The following TMEM179 variants were observed in gnomAD, a reference collection of about 807,000 sequenced individuals.
TMEM179 encodes the protein transmembrane protein 179A.
A neutral mutation model predicts 22.2 loss-of-function variants in TMEM179; 17 were observed. That is an observed-to-expected ratio of 0.77 (90% CI 0.52 to 1.15). The LOEUF is 1.15. TMEM179 is among the 50% of genes most tolerant of loss of function. The probability of loss-of-function intolerance (pLI) is 0.00; values close to 1 mark genes in which losing one functional copy is unlikely to be tolerated. For missense variants in TMEM179, 265 were observed against 313.6 expected (o/e 0.84, Z 1.17); for synonymous variants, 127 against 140.5 (o/e 0.90, Z 0.68).
In TMEM179 at chr14:104,593,650, G is replaced by A; in HGVS notation, c.531C>T (p.Leu177=). Residue 177 remains leucine (L), a synonymous_variant, in exon 4 of 4, where the codon CTC becomes CTT. Transcript: ENST00000556573. ...YDQFAIAQFG[L]WASWLAWLAI... Reference sequence around the variant, plus strand: ...CCAGCCAGGCCAGCCATGAGGCCCAGAGGCCAAACTGCACAGAGGGCAGGG... The same window carrying A: ...CCAGCCAGGCCAGCCATGAGGCCCAAAGGCCAAACTGCACAGAGGGCAGGG... The A allele has an allele frequency of 1.4e-6, 2 of 1,478,650 alleles. No homozygotes were observed. The highest frequency in any genetic ancestry group is 9.0e-7 in the Non-Finnish European group (1 of 1,115,510). 91.6% of individuals were successfully genotyped at this position (1,478,650 alleles called of 1,614,324 possible). A position where few individuals can be genotyped will look rare whatever the true frequency, so the allele number is the denominator to read the frequency against.
In TMEM179 at chr14:104,593,545, C is replaced by A; in HGVS notation, c.636G>T (p.Lys212Asn). 1 of 1,535,106 alleles carries A rather than the reference C, an allele frequency of 6.5e-7. No individual in the cohort carries two copies. The highest frequency in any genetic ancestry group is 8.7e-7 in the Non-Finnish European group (1 of 1,146,172). Residue 212 changes from lysine (K) to asparagine (N), a missense_variant, in exon 4 of 4, where the codon AAG becomes AAT. Transcript: ENST00000556573. The stretch of plus-strand genomic sequence containing the variant: ...GGGACGGCCGGGCCAGCAGCAGCTC[C>A]TTCTCGTGGATCAGGCTGTCCAGCA... ...EDLLDSLIHE[K>N]ELLLARPSPR... is the part of the protein sequence containing the mutation.
rs1887080243 is a variant in TMEM179 at position 104,597,635 on chromosome 14, C to T, written c.306-508G>A. ...AGTGCCCTCCTAGGAGAGACCCCAC[C>T]AAGCGAGCTCCCAGCAGATAACGAC... On this transcript the variant is annotated intron_variant, in intron 1 of 3. Transcript: ENST00000556573. This position sits in a 1 kb window ranked among gnomAD's most constrained non-coding sequence, Gnocchi z 4.8. Among the ~76,000 whole-genome samples the T allele has an allele frequency of 6.6e-6, 1 of 152,088 alleles. No homozygotes were observed. The highest frequency in any genetic ancestry group is 2.1e-4 in the South Asian group (1 of 4,818).
rs1248688883 is a variant in TMEM179, at chr14:104,591,469, A to AC, written c.*2009dup. 2.2e-6 allele frequency: 1 copy of AC among 454,598 alleles called. No homozygotes were observed. The highest frequency in any genetic ancestry group is 2.4e-5 in the Admixed American group (1 of 42,384). The allele number at this position is 454,598 out of a possible 1,614,324, so 28.2% of individuals were successfully genotyped here. On this transcript the variant is annotated 3_prime_UTR_variant, in exon 4 of 4. Coordinates refer to ENST00000556573, the MANE Select transcript of TMEM179 (RefSeq NM_001286389.2). ...TCAGGGCTGGAAGGGGAGACAGGGG[A>AC]CCCCATCAGCTTAGGGGGCCTCGGA...
In TMEM179 at chr14:104,591,049, C is replaced by T. The variant is rs1886829353; in HGVS notation, c.*2430G>A. The T allele has an allele frequency of 3.9e-6, 1 of 255,072 alleles. No homozygotes were observed. Among genetic ancestry groups the T allele is most frequent in the Admixed American group, 5.2e-5 (1 of 19,402 alleles). 15.8% of individuals were successfully genotyped at this position (255,072 alleles called of 1,614,324 possible). A position where few individuals can be genotyped will look rare whatever the true frequency, so the allele number is the denominator to read the frequency against. On this transcript the variant is annotated 3_prime_UTR_variant, in exon 4 of 4. Coordinates refer to ENST00000556573, the MANE Select transcript of TMEM179 (RefSeq NM_001286389.2). ...GGGAGAGGCCCAATCCCCTGAGGGA[C>T]CCTGGAGAGCCCACGACCAGGGCCG... is the stretch of plus-strand genomic sequence containing the variant.
Position 104,596,981 on chromosome 14 carries a change from C to T in TMEM179, c.443+9G>A, listed in dbSNP as rs760105694. The T allele has an allele frequency of 7.6e-6, 12 of 1,587,460 alleles. No individual in the cohort carries two copies. The highest frequency in any genetic ancestry group is 1.4e-5 in the African/African-American group (1 of 72,290). Reference sequence around the variant, plus strand: ...TGGGCGGAGGCCGAGGCGGGTGGGGCGGGCGCACCTGTGGGGTACGGTGCC... The same window carrying T: ...TGGGCGGAGGCCGAGGCGGGTGGGGTGGGCGCACCTGTGGGGTACGGTGCC... On this transcript the variant is annotated intron_variant, in intron 2 of 3. Coordinates refer to ENST00000556573, the MANE Select transcript of TMEM179 (RefSeq NM_001286389.2).
At position 104,595,141 on chromosome 14, in the gene TMEM179, C is replaced by A; in HGVS notation, c.522+24G>T. On this transcript the variant is annotated intron_variant, in intron 3 of 3. Transcript: ENST00000556573. The surrounding 1 kb of genome is among the most constrained non-coding windows in gnomAD (Gnocchi z 5.7). The stretch of plus-strand genomic sequence containing the variant: ...GGCCCCCTCCCAGCATTGCAAGCCT[C>A]CCTTCTTGCCCAGAGCCCCCTACCT... 6.2e-7 allele frequency: 1 copy of A among 1,613,644 alleles called. No individual in the cohort carries two copies. Among genetic ancestry groups the A allele is most frequent in the Non-Finnish European group, 8.5e-7 (1 of 1,179,918 alleles).
At chr14:104,596,622 C>T (rs1335184447) in intron 2 of TMEM179, among the ~76,000 whole-genome samples, 1 of 152,166 alleles carries the variant, frequency 6.6e-6, no homozygotes, top group Non-Finnish European at 1.5e-5. Flanking sequence ...GTGGCCACAC[C>T]GAGCCTCCCA....
rs769227355 is a variant in TMEM179 at position 104,595,572 on chromosome 14, T to G, written c.444-329A>C. On this transcript the variant is annotated intron_variant, in intron 2 of 3. Transcript: ENST00000556573. This position sits in a 1 kb window ranked among gnomAD's most constrained non-coding sequence, Gnocchi z 5.7. ...CACGGGGTCTCAGAGGCCAGGCCCC[T>G]CCCTGTCCTGACCCAGGACGGCCGG... is the stretch of plus-strand genomic sequence containing the variant. Among the ~76,000 whole-genome samples the G allele has an allele frequency of 4.0e-5, 6 of 149,048 alleles. No individual in the cohort carries two copies. Among genetic ancestry groups the G allele is most frequent in the Non-Finnish European group, 8.9e-5 (6 of 67,490 alleles).
intron 3 of TMEM179, chr14:104,594,141 A>AT: frequency 8.1e-7 from 1 of 1,231,842 alleles, no homozygotes; most frequent in East Asian, 3.2e-5. Flanking sequence ...CATTAAGCTG[A>AT]TTCTCATTTG....
intron 3 of TMEM179, chr14:104,594,912 G>A (rs1886967106): frequency 4.4e-6 from 5 of 1,124,692 alleles, no homozygotes; most frequent in Admixed American, 4.7e-5. Flanking sequence ...CCAGACCCCA[G>A]GGCCTTGCCA....
At chr14:104,599,119 C>T (rs1328340890) in intron 1 of TMEM179, among the ~76,000 whole-genome samples, 1 of 152,206 alleles carries the variant, frequency 6.6e-6, no homozygotes, top group Non-Finnish European at 1.5e-5. Context: ...CTCTCCAGCC[C>T]AGTGTGCTGT....
At chr14:104,603,050 C>T (rs895780431) in intron 1 of TMEM179, among the ~76,000 whole-genome samples, 13 of 152,208 alleles carry the variant, frequency 8.5e-5, no homozygotes, top group Non-Finnish European at 1.8e-4. Context: ...GTGAGGACAG[C>T]GGCAGAGGGT....
At position 104,604,215 on chromosome 14, in the gene TMEM179, G is replaced by T. The variant is rs1353050662; in HGVS notation, c.305+222C>A. 6.6e-6 allele frequency among the ~76,000 whole-genome samples: 1 copy of T among 152,194 alleles called. No individual in the cohort carries two copies. Among genetic ancestry groups the T allele is most frequent in the Non-Finnish European group, 1.5e-5 (1 of 68,010 alleles). On this transcript the variant is annotated intron_variant, in intron 1 of 3. Coordinates refer to ENST00000556573, the MANE Select transcript of TMEM179 (RefSeq NM_001286389.2). This position sits in a 1 kb window ranked among gnomAD's most constrained non-coding sequence, Gnocchi z 4.6. ...GGAGGTGATGCGCAGCTGGGGAGGGGAGGCACTGGCCTTGTACGCAGGACC... is the reference window on the plus strand; with the variant it reads ...GGAGGTGATGCGCAGCTGGGGAGGGTAGGCACTGGCCTTGTACGCAGGACC...
intron 1 of TMEM179, among the ~76,000 whole-genome samples, chr14:104,598,802 G>A (rs761848869): frequency 8.3e-4 from 126 of 152,360 alleles, no homozygotes; most frequent in Non-Finnish European, 1.4e-3. Flanking sequence ...CCCCAGGAAC[G>A]GGAGGGTTTG....
chr14:104,599,997 T>C (rs1422179043), intron 1 of TMEM179, among the ~76,000 whole-genome samples: 5 of 152,144 alleles, frequency 3.3e-5, no homozygotes, highest in Non-Finnish European at 5.9e-5. Context: ...CTCACCCCTA[T>C]GAAATGGCCC....
chr14:104,601,472 G>T (rs1362880779), intron 1 of TMEM179, among the ~76,000 whole-genome samples: 1 of 152,116 alleles, frequency 6.6e-6, no homozygotes, highest in African/African-American at 2.4e-5. Context: ...GGGTCCCCTG[G>T]GGGGGGACCC....
chr14:104,604,295 G>A lies in TMEM179; in HGVS notation c.305+142C>T. ...GTAGACAAAGGGCGGTCTGAGTGGA[G>A]GGGGTGAGGGCGGATTGTTGACATT... On this transcript the variant is annotated intron_variant, in intron 1 of 3. Coordinates refer to ENST00000556573, the MANE Select transcript of TMEM179 (RefSeq NM_001286389.2). This position sits in a 1 kb window ranked among gnomAD's most constrained non-coding sequence, Gnocchi z 4.6. 1.1e-6 allele frequency: 1 copy of A among 903,656 alleles called. No individual in the cohort carries two copies. Among genetic ancestry groups the A allele is most frequent in the Non-Finnish European group, 1.6e-6 (1 of 634,164 alleles). 56.0% of individuals were successfully genotyped at this position (903,656 alleles called of 1,614,324 possible). A position where few individuals can be genotyped will look rare whatever the true frequency, so the allele number is the denominator to read the frequency against.
At position 104,597,249 on chromosome 14, in the gene TMEM179, C is replaced by G; in HGVS notation, c.306-122G>C. On this transcript the variant is annotated intron_variant, in intron 1 of 3. Transcript: ENST00000556573. The surrounding 1 kb of genome is among the most constrained non-coding windows in gnomAD (Gnocchi z 4.8). ...CTGGACGCCATCTCCTGGGCAACCC[C>G]CACCAGCAGCACCCCCCGGACCCTC... is the stretch of plus-strand genomic sequence containing the variant. 7.5e-7 allele frequency: 1 copy of G among 1,331,956 alleles called. No individual in the cohort carries two copies. Among genetic ancestry groups the G allele is most frequent in the Non-Finnish European group, 1.0e-6 (1 of 991,374 alleles). 82.5% of individuals were successfully genotyped at this position (1,331,956 alleles called of 1,614,324 possible). A position where few individuals can be genotyped will look rare whatever the true frequency, so the allele number is the denominator to read the frequency against.
rs112426679 is a variant in TMEM179, at chr14:104,597,775, C to A, written c.306-648G>T. On this transcript the variant is annotated intron_variant, in intron 1 of 3. Coordinates refer to ENST00000556573, the MANE Select transcript of TMEM179 (RefSeq NM_001286389.2). This position sits in a 1 kb window ranked among gnomAD's most constrained non-coding sequence, Gnocchi z 4.8. Reference sequence around the variant, plus strand: ...ATGCCTGTTGTTTACAAGACCCCAGCCTGTGATGCCGAGAGCTTCCATTCA... The same window carrying A: ...ATGCCTGTTGTTTACAAGACCCCAGACTGTGATGCCGAGAGCTTCCATTCA... 2.0e-3 allele frequency among the ~76,000 whole-genome samples: 302 copies of A among 152,316 alleles called. 1 individual carries two copies. Among genetic ancestry groups the A allele is most frequent in the African/African-American group, 7.0e-3 (292 of 41,576 alleles).
Sources: gnomAD v4.1 joint callset for allele counts (sites outside exome capture counted in the v4.1 genomes callset) on GRCh38, gnomAD v4.1.1 for gene constraint, Gnocchi (gnomAD v3.1) non-coding constraint, MANE v1.5 for transcripts, NCBI Gene and HGNC (gene_info 2026-07-23, HGNC 2026-07-21) for gene names.